The following PTPRD variants were observed in gnomAD, a reference collection of about 807,000 sequenced individuals.
PTPRD encodes the protein receptor-type tyrosine-protein phosphatase delta.
Under a neutral mutation model 214.5 loss-of-function variants are expected in PTPRD, and 34 were observed. That is an observed-to-expected ratio of 0.16 (90% CI 0.12 to 0.21). PTPRD has a LOEUF of 0.21. Among genes scored for constraint, PTPRD ranks in the 10% least tolerant of loss-of-function variants. The probability of loss-of-function intolerance (pLI) is 1.00; values close to 1 mark genes in which losing one functional copy is unlikely to be tolerated. For synonymous variants in PTPRD, 1,128 were observed against 845.7 expected (o/e 1.33, Z -5.79); for missense variants, 2,545 against 2,398.7 (o/e 1.06, Z -1.27).
intron 11 of PTPRD, among the ~76,000 whole-genome samples, chr9:9,008,967 T>A (rs1370233639): frequency 6.6e-6 from 1 of 152,160 alleles, no homozygotes; most frequent in Non-Finnish European, 1.5e-5. Context: ...ATCATATAAA[T>A]ACACTTAAAT....
intron 35 of PTPRD, among the ~76,000 whole-genome samples, chr9:8,405,345 T>G (rs1205702958): frequency 6.6e-6 from 1 of 152,110 alleles, no homozygotes; most frequent in Non-Finnish European, 1.5e-5. Context: ...TTTATTATTA[T>G]GTGTTATTAT....
chr9:8,711,246 G>T (rs1184687939), intron 12 of PTPRD, among the ~76,000 whole-genome samples: 3 of 146,234 alleles, frequency 2.1e-5, no homozygotes, highest in Non-Finnish European at 4.5e-5. Context: ...TTTAGTTCTA[G>T]TAATAGTTTA....
chr9:9,781,053 G>A (rs1383397453), intron 5 of PTPRD, among the ~76,000 whole-genome samples: 2 of 152,158 alleles, frequency 1.3e-5, no homozygotes, highest in South Asian at 2.1e-4. Flanking sequence ...GAACAAATAG[G>A]AGGAGCACAG....
At chr9:8,421,370 T>TTCTCTTCTC (rs141962478) in intron 35 of PTPRD, among the ~76,000 whole-genome samples, 13 of 146,644 alleles carry the variant, frequency 8.9e-5, no homozygotes, top group African/African-American at 1.9e-4. Context: ...TTCTCTTCTC[T>TTCTCTTCTC]TCTCTCTCTC....
chr9:9,957,251 G>C (rs982659343), intron 4 of PTPRD, among the ~76,000 whole-genome samples: 1 of 152,032 alleles, frequency 6.6e-6, no homozygotes, highest in Non-Finnish European at 1.5e-5. Context: ...CTCTTTTTAA[G>C]ATATCTCATA....
At chr9:10,364,009 T>TTTTTTG (rs1345490261) in intron 2 of PTPRD, among the ~76,000 whole-genome samples, 1 of 134,950 alleles carries the variant, frequency 7.4e-6, no homozygotes, top group African/African-American at 2.9e-5. Context: ...TTTTTTTTTT[T>TTTTTTG]TTTTTTTTGA....
chr9:9,286,190 T>C (rs1243560450), intron 9 of PTPRD, among the ~76,000 whole-genome samples: 2 of 151,862 alleles, frequency 1.3e-5, no homozygotes, highest in Non-Finnish European at 2.9e-5. Context: ...ACTTCAAATA[T>C]GTGTAGTGAA....
intron 12 of PTPRD, among the ~76,000 whole-genome samples, chr9:8,694,152 A>G (rs906754766): frequency 6.6e-6 from 1 of 152,216 alleles, no homozygotes; most frequent in South Asian, 2.1e-4. Flanking sequence ...ATAAGAGAAT[A>G]TATTTAAATG....
chr9:9,685,112 T>C (rs1256817998), intron 7 of PTPRD, among the ~76,000 whole-genome samples: 1 of 151,512 alleles, frequency 6.6e-6, no homozygotes, highest in Non-Finnish European at 1.5e-5. Flanking sequence ...TTTAGGTGTG[T>C]AATTTCATCC....
intron 2 of PTPRD, among the ~76,000 whole-genome samples, chr9:10,413,399 C>T (rs7031575): frequency 0.73 from 110,596 of 151,724 alleles, 41,004 homozygotes; most frequent in Non-Finnish European, 0.8. Flanking sequence ...AAACAGCTCA[C>T]GAGGGATGTA....
chr9:9,804,633 A>G (rs1016350894), intron 5 of PTPRD, among the ~76,000 whole-genome samples: 1 of 152,036 alleles, frequency 6.6e-6, no homozygotes, highest in African/African-American at 2.4e-5. Flanking sequence ...ATAAAATTTT[A>G]AATTATTTGT....
At chr9:9,272,444 C>T (rs150276262) in intron 9 of PTPRD, among the ~76,000 whole-genome samples, 51 of 151,218 alleles carry the variant, frequency 3.4e-4, no homozygotes, top group African/African-American at 1.2e-3. Context: ...TTAATATTAG[C>T]GGGAATTTAC....
At chr9:10,284,647 G>A (rs1262735604) in intron 3 of PTPRD, among the ~76,000 whole-genome samples, 2 of 152,114 alleles carry the variant, frequency 1.3e-5, no homozygotes, top group Non-Finnish European at 2.9e-5. Context: ...GTTCTCAAAA[G>A]GCTTCAACCA....
intron 36 of PTPRD, among the ~76,000 whole-genome samples, chr9:8,395,493 T>A (rs1371985118): frequency 4.6e-5 from 7 of 152,118 alleles, no homozygotes; most frequent in Non-Finnish European, 1.0e-4. Context: ...CGTGGCTGCA[T>A]CAGACCTGGT....
chr9:9,869,719 T>C (rs2064946832), intron 5 of PTPRD, among the ~76,000 whole-genome samples: 1 of 151,766 alleles, frequency 6.6e-6, no homozygotes, highest in South Asian at 2.1e-4. Flanking sequence ...TGCAGGAAAA[T>C]CTAGAATGTG....
chr9:8,376,876 G>T, intron 37 of PTPRD, 150 bp from the exon 38 acceptor site: 1 of 984,058 alleles, frequency 1.0e-6, no homozygotes, highest in South Asian at 1.7e-5. Flanking sequence ...CCCAATATAT[G>T]TAAATTACTG....
chr9:8,337,565 G>A (rs7873269), intron 43 of PTPRD, among the ~76,000 whole-genome samples: 1 of 151,752 alleles, frequency 6.6e-6, no homozygotes, highest in Non-Finnish European at 1.5e-5. Context: ...TAACAAACCT[G>A]CATGTTCTGC....
chr9:10,300,554 C>A (rs1477693381), intron 3 of PTPRD, among the ~76,000 whole-genome samples: 3 of 152,152 alleles, frequency 2.0e-5, no homozygotes, highest in Non-Finnish European at 2.9e-5. Flanking sequence ...CTGAGGTTGA[C>A]CTGGGACACT....
intron 9 of PTPRD, among the ~76,000 whole-genome samples, chr9:9,287,050 C>T (rs1453622522): frequency 2.7e-5 from 4 of 149,998 alleles, no homozygotes; most frequent in African/African-American, 9.8e-5. Context: ...CATGGCAAAA[C>T]ACTGTCTCTG....
Sources: gnomAD v4.1 joint callset for allele counts (sites outside exome capture counted in the v4.1 genomes callset) on GRCh38, gnomAD v4.1.1 for gene constraint, MANE v1.5 for transcripts, NCBI Gene and HGNC (gene_info 2026-07-23, HGNC 2026-07-21) for gene names.